RFX7: variants seen among roughly 807,000 people sequenced by gnomAD.
RFX7 encodes regulatory factor X7, also known as DNA-binding protein RFX7.
In RFX7, 26 loss-of-function variants were observed where a neutral mutation model predicts 111.8. That is an observed-to-expected ratio of 0.23 (90% confidence interval 0.17 to 0.32). The LOEUF is 0.32. Among genes scored for constraint, RFX7 ranks in the 10% least tolerant of loss-of-function variants. The pLI is 1.00. For missense variants in RFX7, 1,573 were observed against 1,772.9 expected (o/e 0.89, Z 2.02); for synonymous variants, 624 against 624.4 (o/e 1.00, Z 0.01).
In RFX7 at chr15:56,112,379, C is replaced by CAAAAAAAAAAAA. The variant is rs71110374; in HGVS notation, c.402-8721_402-8710dup. Among the ~76,000 whole-genome samples, 262 of 71,704 alleles carry CAAAAAAAAAAAA rather than the reference C, an allele frequency of 3.7e-3. No homozygotes were observed. In the Middle Eastern group the frequency reaches 0.05, roughly 14 times the overall value. 47.0% of individuals were successfully genotyped at this position (71,704 alleles called of 152,430 possible). ...GAATAAAAAATATCAGAGTACAAAT[C>CAAAAAAAAAAAA]AAAAAAAAAAAAAAAAAAAAAAAGA... On this transcript the variant is annotated intron_variant, in intron 5 of 9. Transcript: ENST00000559447.
At chr15:56,238,529 T>C (rs1003377741) in intron 2 of RFX7, among the ~76,000 whole-genome samples, 14 of 152,192 alleles carry the variant, frequency 9.2e-5, no homozygotes, top group African/African-American at 3.4e-4. Context: ...TAGAATCTTA[T>C]AGGTCTTCTG....
At chr15:56,151,363 G>T (rs1043309588) in intron 3 of RFX7, among the ~76,000 whole-genome samples, 1 of 152,136 alleles carries the variant, frequency 6.6e-6, no homozygotes, top group African/African-American at 2.4e-5. Flanking sequence ...CAGCTCTCTC[G>T]GCAGAAACCC....
intron 2 of RFX7, among the ~76,000 whole-genome samples, chr15:56,231,415 A>G (rs1401165685): frequency 6.6e-6 from 1 of 152,178 alleles, no homozygotes; most frequent in East Asian, 1.9e-4. Context: ...ATGGTGGCAG[A>G]CAAGAGAAGA....
chr15:56,217,312 A>G (rs2043372616), intron 2 of RFX7, among the ~76,000 whole-genome samples: 1 of 152,192 alleles, frequency 6.6e-6, no homozygotes, highest in Non-Finnish European at 1.5e-5. Flanking sequence ...TATATCATGC[A>G]GTCCACTTTC....
intron 3 of RFX7, among the ~76,000 whole-genome samples, chr15:56,177,228 G>T (rs1228777321): frequency 6.6e-6 from 1 of 152,024 alleles, no homozygotes; most frequent in Non-Finnish European, 1.5e-5. Flanking sequence ...TATTACTCAG[G>T]TCGGCACTCA....
chr15:56,160,735 G>T (rs1180201182), intron 3 of RFX7: 2 of 151,938 alleles, frequency 1.3e-5, no homozygotes, highest in African/African-American at 4.8e-5. Flanking sequence ...TATTCTCTCA[G>T]GCCCCAGCAG....
intron 5 of RFX7, among the ~76,000 whole-genome samples, chr15:56,112,545 A>G (rs1374111163): frequency 2.6e-5 from 4 of 152,188 alleles, no homozygotes; most frequent in African/African-American, 9.6e-5. Flanking sequence ...CCAAAACCAT[A>G]AAAATCCTAG....
Position 56,088,532 on chromosome 15 carries a change from G to C in RFX7, c.*4813C>G, listed in dbSNP as rs895955591. 133 of 152,054 alleles carry C rather than the reference G, an allele frequency of 8.7e-4. No individual in the cohort carries two copies. Among genetic ancestry groups the C allele is most frequent in the African/African-American group, 3.1e-3 (128 of 41,522 alleles). The allele number at this position is 152,054 out of a possible 1,614,324, so 9.4% of individuals were successfully genotyped here. On this transcript the variant is annotated 3_prime_UTR_variant, in exon 10 of 10. Transcript: ENST00000559447. ...AAATCTTGAAAAATGTAGTCTTTTT[G>C]TTTTGTTCTTTTTTCTAAGCAGATT... is the stretch of plus-strand genomic sequence containing the variant.
chr15:56,152,773 GT>G (rs2042592354), intron 3 of RFX7, among the ~76,000 whole-genome samples: 1 of 146,782 alleles, frequency 6.8e-6, no homozygotes, highest in Non-Finnish European at 1.5e-5. Context: ...CCAGGAGCTG[GT>G]TTTTTGAAAA....
chr15:56,192,700 C>T lies in RFX7; in HGVS notation c.162-13397G>A, dbSNP rs552788435. Reference sequence around the variant, plus strand: ...TTTCCCAGGGTTTTGCTCAAGTTTACCAAAGATTCAAATGTCTTTCGGGTG... The same window carrying T: ...TTTCCCAGGGTTTTGCTCAAGTTTATCAAAGATTCAAATGTCTTTCGGGTG... On this transcript the variant is annotated intron_variant, in intron 2 of 9. Coordinates refer to ENST00000559447, the MANE Select transcript of RFX7 (RefSeq NM_022841.7). 6 of 219,290 alleles carry T rather than the reference C, an allele frequency of 2.7e-5. No homozygotes were observed. In the East Asian group the frequency reaches 5.5e-4, roughly 20 times the overall value. 13.6% of individuals were successfully genotyped at this position (219,290 alleles called of 1,614,324 possible). A position where few individuals can be genotyped will look rare whatever the true frequency, so the allele number is the denominator to read the frequency against.
At chr15:56,234,090 G>C (rs1239533534) in intron 2 of RFX7, among the ~76,000 whole-genome samples, 2 of 152,062 alleles carry the variant, frequency 1.3e-5, no homozygotes, top group African/African-American at 4.8e-5. Flanking sequence ...TTTTCATTAA[G>C]GCCACTATCC....
chr15:56,111,743 G>C (rs2140941927), intron 5 of RFX7, among the ~76,000 whole-genome samples: 1 of 147,676 alleles, frequency 6.8e-6, no homozygotes, highest in East Asian at 2.0e-4. Context: ...ATCAGAATCA[G>C]AAATTCTGAG....
At chr15:56,144,529 C>A (rs759606920) in intron 3 of RFX7, 46 bp from the exon 4 acceptor site, 34 of 1,096,368 alleles carry the variant, frequency 3.1e-5, no homozygotes, top group Non-Finnish European at 4.2e-5. Flanking sequence ...AAAAAACACT[C>A]ATTTTTCCCC....
At position 56,164,134 on chromosome 15, in the gene RFX7, A is replaced by G. The variant is rs546399092; in HGVS notation, c.195+15136T>C. ...AACAAGGGTTCAGTGTCCTGTTTTC[A>G]AGAGAAAAGAGAAAACAAATACCTA... On this transcript the variant is annotated intron_variant, in intron 3 of 9. Coordinates refer to ENST00000559447, the MANE Select transcript of RFX7 (RefSeq NM_022841.7). Among the ~76,000 whole-genome samples the G allele has an allele frequency of 5.3e-5, 8 of 152,348 alleles. No homozygotes were observed. In the South Asian group the frequency reaches 1.7e-3, roughly 32 times the overall value.
intron 3 of RFX7, among the ~76,000 whole-genome samples, chr15:56,172,239 G>T (rs1265574038): frequency 1.3e-5 from 2 of 151,990 alleles, no homozygotes; most frequent in African/African-American, 4.8e-5. Context: ...TTGTTACTGG[G>T]GTTCAAAACT....
At chr15:56,129,059 G>A (rs1487916525) in intron 5 of RFX7, among the ~76,000 whole-genome samples, 2 of 152,150 alleles carry the variant, frequency 1.3e-5, no homozygotes, top group Admixed American at 6.5e-5. Context: ...TCATGGATCA[G>A]AAGAATAACT....
chr15:56,223,330 A>C (rs771840133), intron 2 of RFX7, among the ~76,000 whole-genome samples: 1 of 152,024 alleles, frequency 6.6e-6, no homozygotes, highest in Admixed American at 6.6e-5. Flanking sequence ...GCAGCCATGC[A>C]CTCCAATCAC....
At position 56,137,616 on chromosome 15, in the gene RFX7, C is replaced by T. The variant is rs569818498; in HGVS notation, c.401+5162G>A. Among the ~76,000 whole-genome samples, 247 of 152,152 alleles carry T rather than the reference C, an allele frequency of 1.6e-3. 2 individuals are homozygous for T. Among genetic ancestry groups the T allele is most frequent in the African/African-American group, 5.6e-3 (234 of 41,522 alleles). On this transcript the variant is annotated intron_variant, in intron 5 of 9. Transcript: ENST00000559447. ...GGGTTTTTTGTGTCTCTATTTCCTT[C>T]AGTTCTGCTCTGATTTTAGTTATTT...
chr15:56,230,519 A>G (rs1372496949), intron 2 of RFX7, among the ~76,000 whole-genome samples: 1 of 152,254 alleles, frequency 6.6e-6, no homozygotes, highest in Non-Finnish European at 1.5e-5. Context: ...AAATACAGAA[A>G]CAATATGTAG....
Sources: allele counts gnomAD v4.1 joint callset (sites outside exome capture counted in the v4.1 genomes callset), GRCh38; gene constraint gnomAD v4.1.1; transcripts MANE v1.5; gene names NCBI Gene and HGNC (gene_info 2026-07-23, HGNC 2026-07-21).